Variants in DSCAM observed in about 807,000 individuals in gnomAD.
DSCAM encodes the protein DS cell adhesion molecule.
Under a neutral mutation model 217.7 loss-of-function variants are expected in DSCAM, and 47 were observed. That is an observed-to-expected ratio of 0.22 (90% CI 0.17 to 0.28). The LOEUF (loss-of-function observed/expected upper bound fraction) is 0.28. Ranked by LOEUF, DSCAM falls within the 10% of genes least tolerant of loss-of-function variation. The pLI, the probability that DSCAM is intolerant of heterozygous loss-of-function variation, is 1.00. For missense variants in DSCAM, 2,080 were observed against 2,618.3 expected (o/e 0.79, Z 4.49); for synonymous variants, 1,056 against 1,015.3 (o/e 1.04, Z -0.76).
intron 3 of DSCAM, among the ~76,000 whole-genome samples, chr21:40,389,963 C>T (rs1257287499): frequency 6.6e-6 from 1 of 152,210 alleles, no homozygotes; most frequent in Admixed American, 6.5e-5. Context: ...TGTTTCTTCT[C>T]ATCAGGCATC....
chr21:40,182,385 C>T lies in DSCAM; in HGVS notation c.2780-3291G>A, dbSNP rs1209225510. Among the ~76,000 whole-genome samples the T allele has an allele frequency of 2.0e-5, 3 of 152,006 alleles. No individual in the cohort carries two copies. In the East Asian group the frequency reaches 5.8e-4, roughly 30 times the overall value. ...GGGTGTGCACCTTCTGTGTCAGAGT[C>T]TGTGTTTCCTGGTTACCTTTCAGGG... On this transcript the variant is annotated intron_variant, in intron 14 of 32. Coordinates refer to ENST00000400454, the MANE Select transcript of DSCAM (RefSeq NM_001389.5).
Position 40,078,812 on chromosome 21 carries a change from A to G in DSCAM, c.4586T>C (p.Leu1529Pro). The change falls in exon 26 of 33, where the codon CTC (leucine) becomes CCC (proline). Residue 1529 changes from leucine to proline, a missense_variant. Transcript: ENST00000400454. Reference protein sequence around the residue: ...TVWTTAQRTSLSKSYILYDLQ... With the variant: ...TVWTTAQRTSPSKSYILYDLQ... ...GTCATACAGGATGTAGGACTTGGAG[A>G]GAGAGGTCCTCTGAGCTGTGGTCCA... 6.2e-7 allele frequency: 1 copy of G among 1,614,208 alleles called. No homozygotes were observed. The highest frequency in any genetic ancestry group is 8.5e-7 in the Non-Finnish European group (1 of 1,180,042).
At chr21:40,431,582 T>C (rs79933539) in intron 3 of DSCAM, among the ~76,000 whole-genome samples, 110 of 152,326 alleles carry the variant, frequency 7.2e-4, no homozygotes, top group African/African-American at 2.5e-3. Flanking sequence ...ACCTAATGAA[T>C]AGTAAGCATA....
rs1213496938 is a variant in DSCAM, at chr21:40,361,609, C to T, written c.655+7490G>A. Among the ~76,000 whole-genome samples, 7 of 151,898 alleles carry T rather than the reference C, an allele frequency of 4.6e-5. No homozygotes were observed. In the East Asian group the frequency reaches 1.2e-3, roughly 25 times the overall value. On this transcript the variant is annotated intron_variant, in intron 4 of 32. Transcript: ENST00000400454. ...ACTCCAGTGTGGCAACAGAGTGAGA[C>T]TCCATCTCAAAAACAAACAAACAAA...
At position 40,051,939 on chromosome 21, in the gene DSCAM, AG is replaced by A; in HGVS notation, c.5185+18del. On this transcript the variant is annotated intron_variant, in intron 30 of 32. Coordinates refer to ENST00000400454, the MANE Select transcript of DSCAM (RefSeq NM_001389.5). ...GCATTGTTAACACCCACACATTTTA[AG>A]CATTGTTGACCACTCACTCGTTCCC... 1 of 1,599,188 alleles carries A rather than the reference AG, an allele frequency of 6.3e-7. No homozygotes were observed. Among genetic ancestry groups the A allele is most frequent in the South Asian group, 1.1e-5 (1 of 88,530 alleles).
intron 3 of DSCAM, among the ~76,000 whole-genome samples, chr21:40,430,882 C>T (rs989682557): frequency 7.2e-5 from 11 of 152,176 alleles, no homozygotes; most frequent in Admixed American, 2.6e-4. Flanking sequence ...ACATCTTTAC[C>T]GGCATTCTTC....
intron 3 of DSCAM, among the ~76,000 whole-genome samples, chr21:40,658,541 C>G (rs1044820429): frequency 5.9e-5 from 9 of 152,172 alleles, no homozygotes. Flanking sequence ...CCTGGGAATT[C>G]TACAAGAATC....
At chr21:40,399,019 C>A (rs2075208481) in intron 3 of DSCAM, among the ~76,000 whole-genome samples, 1 of 152,124 alleles carries the variant, frequency 6.6e-6, no homozygotes, top group Non-Finnish European at 1.5e-5. Flanking sequence ...ACATGTAATC[C>A]CAGCATTTTA....
At chr21:40,274,940 T>A (rs2073666942) in intron 11 of DSCAM, among the ~76,000 whole-genome samples, 1 of 152,132 alleles carries the variant, frequency 6.6e-6, no homozygotes, top group Non-Finnish European at 1.5e-5. Flanking sequence ...CACACACCCC[T>A]GAATGCCACT....
chr21:40,496,418 A>G (rs2076119018), intron 3 of DSCAM, among the ~76,000 whole-genome samples: 1 of 152,236 alleles, frequency 6.6e-6, no homozygotes, highest in Admixed American at 6.5e-5. Context: ...AGGAACACAC[A>G]TTGAGGAAAG....
At chr21:40,818,226 T>G (rs917229169) in intron 1 of DSCAM, among the ~76,000 whole-genome samples, 1 of 150,476 alleles carries the variant, frequency 6.6e-6, no homozygotes, top group Non-Finnish European at 1.5e-5. Flanking sequence ...CCCGCCCCCA[T>G]GCGATGTGTT....
chr21:40,275,622 C>T (rs1244085744), intron 11 of DSCAM, among the ~76,000 whole-genome samples: 3 of 152,174 alleles, frequency 2.0e-5, no homozygotes, highest in South Asian at 4.1e-4. Context: ...TAGTTGTTCG[C>T]TAGTCACTTG....
chr21:40,114,241 C>A (rs1350049592), intron 20 of DSCAM, among the ~76,000 whole-genome samples: 1 of 142,368 alleles, frequency 7.0e-6, no homozygotes, highest in African/African-American at 2.5e-5. Flanking sequence ...CAGAACAGAG[C>A]CCTCAGAAAT....
intron 11 of DSCAM, among the ~76,000 whole-genome samples, chr21:40,219,869 A>G (rs537269672): frequency 6.6e-6 from 1 of 152,328 alleles, no homozygotes; most frequent in East Asian, 1.9e-4. Context: ...AATCTTACAT[A>G]TGTTTACTTT....
chr21:40,622,333 A>G (rs544767595), intron 3 of DSCAM, among the ~76,000 whole-genome samples: 1 of 152,296 alleles, frequency 6.6e-6, no homozygotes, highest in African/African-American at 2.4e-5. Context: ...TCTAGACTCT[A>G]GAGGTTATCA....
chr21:40,054,302 T>C (rs1050070824), intron 29 of DSCAM, among the ~76,000 whole-genome samples: 11 of 152,342 alleles, frequency 7.2e-5, no homozygotes, highest in African/African-American at 2.6e-4. Context: ...AGTGTTTCAC[T>C]GAAGTTAGCT....
At chr21:40,406,525 A>G (rs1356460650) in intron 3 of DSCAM, among the ~76,000 whole-genome samples, 2 of 152,228 alleles carry the variant, frequency 1.3e-5, no homozygotes, top group African/African-American at 4.8e-5. Context: ...ACATTACGCT[A>G]AGTGAAACAA....
chr21:40,695,822 G>GT (rs2090588592), intron 2 of DSCAM, among the ~76,000 whole-genome samples: 1 of 152,120 alleles, frequency 6.6e-6, no homozygotes, highest in African/African-American at 2.4e-5. Context: ...ACTATCTATA[G>GT]TTTTTTAAAA....
intron 3 of DSCAM, among the ~76,000 whole-genome samples, chr21:40,643,982 T>C (rs1025413474): frequency 3.3e-5 from 5 of 152,214 alleles, no homozygotes; most frequent in Admixed American, 1.3e-4. Context: ...ATTTGTTCAA[T>C]TGAGACCAGC....
Sources: allele counts gnomAD v4.1 joint callset (sites outside exome capture counted in the v4.1 genomes callset), GRCh38; gene constraint gnomAD v4.1.1; transcripts MANE v1.5; gene names NCBI Gene and HGNC (gene_info 2026-07-23, HGNC 2026-07-21).